Variants in CFAP61 observed in about 807,000 individuals in gnomAD.
CFAP61 encodes cilia- and flagella-associated protein 61.
In CFAP61, 107 loss-of-function variants were observed where a neutral mutation model predicts 135.6. The ratio of observed to expected loss-of-function variants is 0.79; its 90% CI spans 0.67 to 0.93. The LOEUF is 0.93. CFAP61 is among the 40% of genes least tolerant of loss of function. The probability of loss-of-function intolerance (pLI) is 0.00; values close to 1 mark genes in which losing one functional copy is unlikely to be tolerated. For synonymous variants in CFAP61, 575 were observed against 578.5 expected, an observed-to-expected ratio of 0.99 and a Z score of 0.09; for missense variants, 1,507 against 1,556.2, an observed-to-expected ratio of 0.97 and a Z score of 0.53.
intron 13 of CFAP61, among the ~76,000 whole-genome samples, chr20:20,177,802 G>T (rs78210373): frequency 2.0e-3 from 77 of 39,132 alleles, no homozygotes; most frequent in East Asian, 0.017. Flanking sequence ...CTGCTGAGTG[G>T]GAGAGGGGCT....
chr20:20,133,663 G>T (rs540191269), intron 8 of CFAP61, among the ~76,000 whole-genome samples: 1 of 152,270 alleles, frequency 6.6e-6, no homozygotes, highest in South Asian at 2.1e-4. Context: ...TCTTTTTCCT[G>T]ACCTAAGGAG....
chr20:20,169,506 G>T (rs947144929), intron 13 of CFAP61, 46 bp downstream of exon 13: 1 of 1,490,622 alleles, frequency 6.7e-7, no homozygotes, highest in African/African-American at 1.4e-5. Context: ...TGAAATTACA[G>T]AAGAGAAGGG....
chr20:20,296,297 CCCTT>C (rs768872433), intron 24 of CFAP61, among the ~76,000 whole-genome samples: 58 of 81,336 alleles, frequency 7.1e-4, no homozygotes, highest in Non-Finnish European at 1.3e-3. Flanking sequence ...TTCCCTCCTT[CCCTT>C]CCTTCCTTCC....
chr20:20,196,197 C>T (rs925937197), intron 15 of CFAP61, among the ~76,000 whole-genome samples: 2 of 152,220 alleles, frequency 1.3e-5, no homozygotes, highest in African/African-American at 4.8e-5. Flanking sequence ...CCTGAATTTC[C>T]CACAGGCTCC....
chr20:20,234,562 G>T (rs6081934), intron 18 of CFAP61, among the ~76,000 whole-genome samples: 1 of 152,130 alleles, frequency 6.6e-6, no homozygotes, highest in Non-Finnish European at 1.5e-5. Flanking sequence ...TGGCATTTAA[G>T]GACCTTGTCT....
intron 19 of CFAP61, among the ~76,000 whole-genome samples, chr20:20,250,417 G>A (rs1409443692): frequency 6.6e-6 from 1 of 152,086 alleles, no homozygotes; most frequent in African/African-American, 2.4e-5. Context: ...GTCCAGGCTT[G>A]TCAGCAGCAC....
intron 25 of CFAP61, among the ~76,000 whole-genome samples, chr20:20,315,810 C>T (rs2057098898): frequency 6.6e-6 from 1 of 152,192 alleles, no homozygotes; most frequent in Admixed American, 6.5e-5. Flanking sequence ...TTCCCCATTG[C>T]TTGTTTTTCT....
At chr20:20,072,341 T>C (rs541761636) in intron 3 of CFAP61, among the ~76,000 whole-genome samples, 5 of 152,042 alleles carry the variant, frequency 3.3e-5, no homozygotes, top group African/African-American at 1.2e-4. Context: ...GGTCTCGATC[T>C]CCTGACCTCG....
intron 17 of CFAP61, among the ~76,000 whole-genome samples, chr20:20,218,570 G>T (rs74847523): frequency 6.6e-6 from 1 of 152,134 alleles, no homozygotes. Context: ...AAATGAATAC[G>T]TACTCTTTTA....
intron 17 of CFAP61, among the ~76,000 whole-genome samples, chr20:20,224,180 A>G (rs962998890): frequency 1.3e-5 from 2 of 152,172 alleles, no homozygotes; most frequent in Non-Finnish European, 2.9e-5. Flanking sequence ...AGCAACCACA[A>G]ACTCCTCCAG....
intron 18 of CFAP61, among the ~76,000 whole-genome samples, chr20:20,230,812 T>G (rs1016857087): frequency 6.6e-6 from 1 of 152,152 alleles, no homozygotes; most frequent in Middle Eastern, 3.2e-3. Flanking sequence ...CGCCTTGGCC[T>G]CCCAAAGTGC....
intron 8 of CFAP61, among the ~76,000 whole-genome samples, chr20:20,129,488 C>G (rs969949963): frequency 6.6e-6 from 1 of 151,612 alleles, no homozygotes; most frequent in Non-Finnish European, 1.5e-5. Flanking sequence ...CTTTTAGGAT[C>G]CTCTCTTTAT....
intron 25 of CFAP61, among the ~76,000 whole-genome samples, chr20:20,303,034 A>G (rs182626999): frequency 5.3e-5 from 8 of 152,306 alleles, no homozygotes; most frequent in Admixed American, 5.2e-4. Flanking sequence ...AATAATGAAA[A>G]CTGCAAGTAT....
chr20:20,350,624 A>G (rs1216554451), intron 26 of CFAP61, among the ~76,000 whole-genome samples: 1 of 152,208 alleles, frequency 6.6e-6, no homozygotes, highest in Non-Finnish European at 1.5e-5. Context: ...ACAAGACTCC[A>G]TCTCAAAAAA....
At chr20:20,096,926 C>G (rs912738264) in intron 7 of CFAP61, among the ~76,000 whole-genome samples, 3 of 151,890 alleles carry the variant, frequency 2.0e-5, no homozygotes, top group African/African-American at 4.8e-5. Flanking sequence ...TTTTAGGGGG[C>G]CTGTAAAGAA....
intron 17 of CFAP61, among the ~76,000 whole-genome samples, chr20:20,210,858 G>A (rs866715768): frequency 1.3e-5 from 2 of 152,232 alleles, no homozygotes; most frequent in Middle Eastern, 3.4e-3. Context: ...AGGCACAGTG[G>A]CTCATACCTG....
chr20:20,325,812 C>G (rs757689195), intron 25 of CFAP61, among the ~76,000 whole-genome samples: 1 of 152,146 alleles, frequency 6.6e-6, no homozygotes, highest in Non-Finnish European at 1.5e-5. Flanking sequence ...TAGCTATACA[C>G]CATTTTGTAT....
At chr20:20,256,194 C>T (rs1233203012) in intron 20 of CFAP61, among the ~76,000 whole-genome samples, 1 of 152,190 alleles carries the variant, frequency 6.6e-6, no homozygotes, top group African/African-American at 2.4e-5. Context: ...AAGAATTGCT[C>T]ATCCAAATGC....
rs6112870 is a variant in CFAP61, at chr20:20,337,298, A to G, written c.3423-4533A>G. Reference sequence around the variant, plus strand: ...GGTGGATGGATGGATGGATAGATGGATGGATGGATGGATGGATGGATGGAT... The same window carrying G: ...GGTGGATGGATGGATGGATAGATGGGTGGATGGATGGATGGATGGATGGAT... On this transcript the variant is annotated intron_variant, in intron 25 of 26. Transcript: ENST00000245957. 1.3e-3 allele frequency among the ~76,000 whole-genome samples: 52 copies of G among 39,952 alleles called. 1 individual carries two copies. The highest frequency in any genetic ancestry group is 0.021 in the Middle Eastern group (2 of 96). The allele number at this position is 39,952 out of a possible 152,430, so 26.2% of individuals were successfully genotyped here. A position where few individuals can be genotyped will look rare whatever the true frequency, so the allele number is the denominator to read the frequency against.
Sources: allele counts gnomAD v4.1 joint callset (sites outside exome capture counted in the v4.1 genomes callset), GRCh38; gene constraint gnomAD v4.1.1; transcripts MANE v1.5; gene names NCBI Gene and HGNC (gene_info 2026-07-23, HGNC 2026-07-21).